Variants in CFAP65 observed in about 807,000 individuals in gnomAD.
CFAP65 encodes the protein cilia and flagella associated protein 65.
CFAP65 carries 155 observed loss-of-function variants against 208.0 expected under a neutral mutation model. The observed-to-expected ratio is 0.75, with a 90% CI of 0.65 to 0.85. The LOEUF (loss-of-function observed/expected upper bound fraction) is 0.85. Among genes scored for constraint, CFAP65 ranks in the 40% least tolerant of loss-of-function variants. The pLI, the probability that CFAP65 is intolerant of heterozygous loss-of-function variation, is 0.00. For synonymous variants in CFAP65, 970 were observed against 986.3 expected (o/e 0.98, Z 0.31); for missense variants, 2,294 against 2,451.3 (o/e 0.94, Z 1.36).
chr2:219,029,714 A>C (rs1402062817), intron 10 of CFAP65, 46 bp from the exon 11 acceptor site: 1 of 1,589,496 alleles, frequency 6.3e-7, no homozygotes, highest in South Asian at 1.2e-5. Context: ...GATATCTTAG[A>C]CAAAGTTCCA....
intron 5 of CFAP65, 134 bp downstream of exon 5, chr2:219,035,346 C>T (rs17852959): frequency 0.096 from 150,210 of 1,567,280 alleles, 7,428 homozygotes; most frequent in East Asian, 0.16. Flanking sequence ...TCATACTGCA[C>T]GTATTTTAAA....
chr2:219,030,874 G>C (rs765560230), intron 8 of CFAP65, 40 bp from the exon 9 acceptor site: 1 of 1,595,320 alleles, frequency 6.3e-7, no homozygotes, highest in Non-Finnish European at 8.5e-7. Context: ...AACCCACCAG[G>C]GCCTCTGTGG....
intron 21 of CFAP65, chr2:219,014,851 C>T (rs1206375585): frequency 1.6e-5 from 2 of 123,162 alleles, no homozygotes; most frequent in Non-Finnish European, 3.2e-5. Context: ...CCTGAAAGTG[C>T]GCAACACACA....
Position 219,021,297 on chromosome 2 carries a change from C to A in CFAP65, c.3131-17G>T. On this transcript the variant is annotated splice_polypyrimidine_tract_variant and intron_variant, in intron 18 of 34. Coordinates refer to ENST00000341552, the MANE Select transcript of CFAP65 (RefSeq NM_194302.4). ...GCTGCAGAGCTGCTCAGGGATGATGCCGGAGGGTCAGTGGGTAGAGGAGGC... is the reference window on the plus strand; with the variant it reads ...GCTGCAGAGCTGCTCAGGGATGATGACGGAGGGTCAGTGGGTAGAGGAGGC... 1 of 1,555,710 alleles carries A rather than the reference C, an allele frequency of 6.4e-7. No homozygotes were observed.
At chr2:219,011,262 TTTTC>T (rs1212582065) in intron 24 of CFAP65, among the ~76,000 whole-genome samples, 1 of 150,204 alleles carries the variant, frequency 6.7e-6, no homozygotes, top group Non-Finnish European at 1.5e-5. Flanking sequence ...TTTTTTTTCT[TTTTC>T]TTTCTTTTTT....
At chr2:219,012,246 T>C (rs1194238158) in intron 24 of CFAP65, among the ~76,000 whole-genome samples, 1 of 152,286 alleles carries the variant, frequency 6.6e-6, no homozygotes, top group Non-Finnish European at 1.5e-5. Context: ...GTCCACCTTC[T>C]ACCTGACAAG....
rs1946611445 is a variant in CFAP65, at chr2:219,013,308, G to A, written c.3908C>T (p.Thr1303Ile). 1 of 1,614,106 alleles carries A rather than the reference G, an allele frequency of 6.2e-7. No individual in the cohort carries two copies. Among genetic ancestry groups the A allele is most frequent in the East Asian group, 2.2e-5 (1 of 44,886 alleles). The change falls in exon 24 of 35, where the codon ACC (threonine) becomes ATC (isoleucine). Residue 1303 changes from threonine (T) to isoleucine (I), a missense_variant. Transcript: ENST00000341552. ...EQKYVHFTST[T>I]HQFIPIPIGD... ...AATGGGAATGGGGATGAACTGGTGG[G>A]TAGTAGAGGTGAAGTGCACATACTT...
At position 219,028,273 on chromosome 2, in the gene CFAP65, G is replaced by A. The variant is rs1947786612; in HGVS notation, c.1779C>T (p.Asp593=). The stretch of plus-strand genomic sequence containing the variant: ...TCTCCTTCAGCATGGCATCCAGGAT[G>A]TCAGGGGGGTAGAGCGTCAGGCCCC... The part of the protein sequence containing the change: ...LARGLTLYPP[D]ILDAMLKEKK... Residue 593 remains aspartate, a synonymous_variant, in exon 12 of 35, where the codon GAC becomes GAT. Transcript: ENST00000341552. The A allele has an allele frequency of 6.2e-7, 1 of 1,614,152 alleles. No individual in the cohort carries two copies. Among genetic ancestry groups the A allele is most frequent in the South Asian group, 1.1e-5 (1 of 91,080 alleles).
At chr2:219,037,323 C>T (rs1163470527) in intron 4 of CFAP65, among the ~76,000 whole-genome samples, 1 of 152,180 alleles carries the variant, frequency 6.6e-6, no homozygotes, top group South Asian at 2.1e-4. Context: ...ACCCCGGAGG[C>T]GGAGGTTGCA....
Position 219,013,924 on chromosome 2 carries a change from G to C in CFAP65, c.3723C>G (p.Ser1241Arg). ...CAGGACTCAGGCTCCCAGCCTTGGG[G>C]CTGATGGAGAAGAGGCAATTGTCCT... ...RVQDNCLFSI[S>R]PKAGSLSPGQ... Residue 1241 changes from serine (S) to arginine (R), a missense_variant, in exon 22 of 35, where the codon AGC becomes AGG. Ser to Arg is a moderately radical substitution (Grantham distance 110). Transcript: ENST00000341552. The C allele has an allele frequency of 1.9e-6, 3 of 1,613,978 alleles. No homozygotes were observed. Among genetic ancestry groups the C allele is most frequent in the Non-Finnish European group, 2.5e-6 (3 of 1,179,972 alleles).
rs1222169459 is a variant in CFAP65, at chr2:219,027,817, C to T, written c.2044G>A (p.Gly682Ser). 2.5e-6 allele frequency: 4 copies of T among 1,608,508 alleles called. No homozygotes were observed. In the South Asian group the frequency reaches 3.3e-5, roughly 13 times the overall value. ...CGCGTCCAGACCACCATGATCTTGC[C>T]CTTGGTGTGGTTCATCAGGCACAGG... Reference protein sequence around the residue: ...VPLCLMNHTKGKIMVVWTRRS... With the variant: ...VPLCLMNHTKSKIMVVWTRRS... The change falls in exon 13 of 35, where the codon GGC (glycine) becomes AGC (serine). Residue 682 changes from glycine (G) to serine (S), a missense_variant. Gly to Ser is a moderately conservative substitution (Grantham distance 56). Around this residue, in one of 2 missense-constraint regions of CFAP65, gnomAD observed 867 missense variants for 1,012.6 expected, o/e 0.86. Transcript: ENST00000341552.
At position 219,006,106 on chromosome 2, in the gene CFAP65, A is replaced by C; in HGVS notation, c.4837T>G (p.Cys1613Gly). 1 of 1,613,648 alleles carries C rather than the reference A, an allele frequency of 6.2e-7. No individual in the cohort carries two copies. The highest frequency in any genetic ancestry group is 8.5e-7 in the Non-Finnish European group (1 of 1,179,988). Reference protein sequence around the residue: ...CPQPPSPGMLCLGLTARAHAT... With the variant: ...CPQPPSPGMLGLGLTARAHAT... ...TGGGCTCGGGCAGTAAGGCCCAGGC[A>C]GAGCATGCCTGGCGAGGGTGGCTGG... Residue 1613 changes from cysteine (C) to glycine (G), a missense_variant, in exon 31 of 35, where the codon TGC becomes GGC. Around this residue, in one of 2 missense-constraint regions of CFAP65, gnomAD observed 1,427 missense variants for 1,438.7 expected, o/e 0.99. Transcript: ENST00000341552.
intron 14 of CFAP65, among the ~76,000 whole-genome samples, chr2:219,025,531 T>G (rs1440893684): frequency 1.3e-5 from 2 of 152,126 alleles, no homozygotes; most frequent in Non-Finnish European, 2.9e-5. Flanking sequence ...CTCTTGCTTG[T>G]CAGGTCAGGC....
rs1224843163 is a variant in CFAP65 at position 219,024,026 on chromosome 2, G to A, written c.2584C>T (p.Gln862Ter). The A allele has an allele frequency of 6.2e-7, 1 of 1,613,498 alleles. No homozygotes were observed. The highest frequency in any genetic ancestry group is 1.7e-5 in the Admixed American group (1 of 60,002). The part of the protein sequence containing the change: ...TFYLQCNASP[Q>*]YLKEVSMYSR... The stretch of plus-strand genomic sequence containing the variant: ...CCTCTGCCTCCTACCTTGAGATACT[G>A]GGGGGAAGCATTGCACTGCAGATAG... The change falls in exon 15 of 35, where the codon CAG (glutamine) becomes TAG (stop). Residue 862 changes from glutamine (Q) to a stop codon, truncating the protein, a stop_gained. Coordinates refer to ENST00000341552, the MANE Select transcript of CFAP65 (RefSeq NM_194302.4). LOFTEE classifies it high-confidence loss of function.
Position 219,011,318 on chromosome 2 carries a change from A to G in CFAP65, c.3958-322T>C, listed in dbSNP as rs1178014966. On this transcript the variant is annotated intron_variant, in intron 24 of 34. Coordinates refer to ENST00000341552, the MANE Select transcript of CFAP65 (RefSeq NM_194302.4). ...GAGACAAGGTCTCACTTTGTCACCC[A>G]GGCTGGAATACAGTGGCATAATCAT... 2.4e-5 allele frequency among the ~76,000 whole-genome samples: 3 copies of G among 124,696 alleles called. 1 individual carries two copies. The highest frequency in any genetic ancestry group is 4.7e-5 in the Non-Finnish European group (3 of 63,214). 81.8% of individuals were successfully genotyped at this position (124,696 alleles called of 152,430 possible).
At position 219,030,302 on chromosome 2, in the gene CFAP65, AG is replaced by A. The variant is rs146145632; in HGVS notation, c.1162-95del. 6.4e-4 allele frequency: 843 copies of A among 1,320,674 alleles called. 3 individuals carry two copies. In the African/African-American group the frequency reaches 0.011, roughly 17 times the overall value. 81.8% of individuals were successfully genotyped at this position (1,320,674 alleles called of 1,614,324 possible). ...CGCATTGTACTGGCGTGCCTAGCCA[AG>A]GGGGTGGGGGCAGCTGGCATCCAGC... On this transcript the variant is annotated intron_variant, in intron 9 of 34. Transcript: ENST00000341552.
chr2:219,029,806 G>C, intron 10 of CFAP65, 138 bp from the exon 11 acceptor site: 1 of 1,184,458 alleles, frequency 8.4e-7, no homozygotes, highest in Non-Finnish European at 1.2e-6. Flanking sequence ...ATCACTGGAT[G>C]CCAGTGGGAC....
In CFAP65 at chr2:219,030,834, G is replaced by A. The variant is rs199761784; in HGVS notation, c.1016C>T (p.Ala339Val). 70 of 1,613,274 alleles carry A rather than the reference G, an allele frequency of 4.3e-5. No homozygotes were observed. The highest frequency in any genetic ancestry group is 5.1e-6 in the Non-Finnish European group (6 of 1,179,560). ...QRSSIQLQAVAKCAQLLVSIK... is the reference protein window; with the variant it reads ...QRSSIQLQAVVKCAQLLVSIK... ...GCTCACCAGCAGCTGGGCGCACTTG[G>A]CTGGGGCAGAGATGGGGGAGTCTTG... is the stretch of plus-strand genomic sequence containing the variant. The change falls in exon 9 of 35, where the codon GCC becomes GTC. Residue 339 changes from alanine (A) to valine (V), a missense_variant and splice_region_variant. Physicochemically the swap from Ala to Val is moderately conservative, Grantham distance 64. This residue lies in a region of CFAP65 where 867 missense variants were observed against 1,012.6 expected (regional missense o/e 0.86). Coordinates refer to ENST00000341552, the MANE Select transcript of CFAP65 (RefSeq NM_194302.4).
Position 219,031,416 on chromosome 2 carries a change from C to G in CFAP65, c.815+73G>C. 6.2e-7 allele frequency: 1 copy of G among 1,605,596 alleles called. No individual in the cohort carries two copies. The highest frequency in any genetic ancestry group is 1.2e-5 in the South Asian group (1 of 86,102). ...ACTACCCTACCCCGACAAGGGTATG[C>G]CTGTCTCTCCTGCTTCCAGACACCC... On this transcript the variant is annotated intron_variant, in intron 7 of 34. Transcript: ENST00000341552. This position sits in a 1 kb window ranked among gnomAD's most constrained non-coding sequence, Gnocchi z 5.2.
Sources: gnomAD v4.1 joint callset for allele counts (sites outside exome capture counted in the v4.1 genomes callset) on GRCh38, gnomAD v4.1.1 for gene constraint, gnomAD v4.1.1 regional missense constraint, Gnocchi (gnomAD v3.1) non-coding constraint, MANE v1.5 for transcripts, NCBI Gene and HGNC (gene_info 2026-07-23, HGNC 2026-07-21) for gene names.